The following KLHL8 variants were observed in gnomAD, a reference collection of about 807,000 sequenced individuals.
The protein encoded by KLHL8 is kelch like family member 8.
A neutral mutation model predicts 63.5 loss-of-function variants in KLHL8; 38 were observed. That is an observed-to-expected ratio of 0.60 (90% CI 0.46 to 0.78). KLHL8 has a LOEUF of 0.78. Ranked by LOEUF, KLHL8 falls within the 30% of genes least tolerant of loss-of-function variation. The probability of loss-of-function intolerance (pLI) is 0.00; values close to 1 mark genes in which losing one functional copy is unlikely to be tolerated. For synonymous variants in KLHL8, 224 were observed against 254.3 expected, an observed-to-expected ratio of 0.88 and a Z score of 1.13; for missense variants, 566 against 752.4, an observed-to-expected ratio of 0.75 and a Z score of 2.90.
At chr4:87,224,378 C>G (rs1443336193), upstream of KLHL8, among the ~76,000 whole-genome samples, 2 of 152,140 alleles carry the variant, frequency 1.3e-5, no homozygotes, top group Non-Finnish European at 2.9e-5. Flanking sequence ...ATTTTTCTTT[C>G]TCTTAAAGGA....
intron 6 of KLHL8, among the ~76,000 whole-genome samples, chr4:87,174,283 GTTTTT>G (rs1183938505): frequency 6.8e-6 from 1 of 146,376 alleles, no homozygotes; most frequent in Admixed American, 6.8e-5. Flanking sequence ...TCACCTGCAA[GTTTTT>G]TTTTTTTGAG....
chr4:87,189,745 G>A (rs1220932287), intron 2 of KLHL8, among the ~76,000 whole-genome samples: 1 of 151,934 alleles, frequency 6.6e-6, no homozygotes, highest in Non-Finnish European at 1.5e-5. Flanking sequence ...GTTTAGTAAA[G>A]GCCGGGCGCA....
At chr4:87,207,667 CTG>C (rs1285408334) in intron 1 of KLHL8, 72 of 1,152,988 alleles carry the variant, frequency 6.2e-5, no homozygotes, top group Non-Finnish European at 8.0e-5. Context: ...CTCTGGGAAA[CTG>C]TGGCGTGACA....
chr4:87,166,303 A>G (rs1730396594), intron 8 of KLHL8, among the ~76,000 whole-genome samples: 1 of 152,266 alleles, frequency 6.6e-6, no homozygotes, highest in African/African-American at 2.4e-5. Context: ...TTATAAGAGA[A>G]TGCTGTATTG....
chr4:87,210,354 G>A (rs915513336), intron 1 of KLHL8, among the ~76,000 whole-genome samples: 4 of 152,108 alleles, frequency 2.6e-5, no homozygotes, highest in African/African-American at 7.2e-5. Flanking sequence ...GGTGGCGGGC[G>A]CCTGTAGTCC....
At chr4:87,216,076 A>C (rs1435398852) in intron 1 of KLHL8, among the ~76,000 whole-genome samples, 3 of 152,354 alleles carry the variant, frequency 2.0e-5, no homozygotes, top group Non-Finnish European at 4.4e-5. Context: ...TTGGCATTTT[A>C]AATAATATTC....
chr4:87,239,833 G>A (rs1733297112), intron 1 of KLHL8, among the ~76,000 whole-genome samples: 1 of 152,148 alleles, frequency 6.6e-6, no homozygotes, highest in African/African-American at 2.4e-5. Flanking sequence ...AAAGTAAAAA[G>A]AGAAAACCCC....
intron 8 of KLHL8, among the ~76,000 whole-genome samples, chr4:87,167,897 G>A (rs1730463720): frequency 6.6e-6 from 1 of 152,198 alleles, no homozygotes; most frequent in African/African-American, 2.4e-5. Context: ...AGGTTGCCCA[G>A]AAATGGCAGC....
intron 1 of KLHL8, among the ~76,000 whole-genome samples, chr4:87,227,772 G>T (rs1473227369): frequency 6.6e-6 from 1 of 152,142 alleles, no homozygotes; most frequent in Non-Finnish European, 1.5e-5. Flanking sequence ...GCCTCCCTTT[G>T]TGCAATGAAA....
At chr4:87,175,506 AACCTATAACT>A (rs752630254) in intron 6 of KLHL8, among the ~76,000 whole-genome samples, 4 of 152,188 alleles carry the variant, frequency 2.6e-5, no homozygotes, top group Non-Finnish European at 5.9e-5. Flanking sequence ...GGCAGGTTTT[AACCTATAACT>A]CTAATTTTAA....
Position 87,195,614 on chromosome 4 carries a change from G to T in KLHL8, c.-75C>A. On this transcript the variant is annotated 5_prime_UTR_variant, in exon 2 of 10. Coordinates refer to ENST00000273963, the MANE Select transcript of KLHL8 (RefSeq NM_020803.5). ...TTTTTTTTCAAAGGGTAGAGAGAAG[G>T]CAGAAGGTAGATGTAGACACTACAA... 1 of 1,235,572 alleles carries T rather than the reference G, an allele frequency of 8.1e-7. No individual in the cohort carries two copies. 76.5% of individuals were successfully genotyped at this position (1,235,572 alleles called of 1,614,324 possible). A position where few individuals can be genotyped will look rare whatever the true frequency, so the allele number is the denominator to read the frequency against.
intron 1 of KLHL8, among the ~76,000 whole-genome samples, chr4:87,198,000 A>G (rs1199930812): frequency 1.4e-5 from 2 of 147,774 alleles, no homozygotes; most frequent in African/African-American, 4.9e-5. Context: ...GTTCCAATAC[A>G]ACTTTAATTA....
chr4:87,185,194 T>C (rs1016576736), intron 3 of KLHL8, 57 bp downstream of exon 3: 23 of 1,391,784 alleles, frequency 1.7e-5, no homozygotes, highest in Non-Finnish European at 2.2e-5. Flanking sequence ...AAATGAAGCA[T>C]GTTGATTTGC....
chr4:87,164,454 GTAT>G (rs1730299132), intron 8 of KLHL8, among the ~76,000 whole-genome samples: 1 of 152,102 alleles, frequency 6.6e-6, no homozygotes, highest in Admixed American at 6.5e-5. Context: ...CCTTCTCTGT[GTAT>G]TATATCTTAA....
rs769265677 is a variant in KLHL8, at chr4:87,171,451, T to C, written c.1209-836A>G. Among the ~76,000 whole-genome samples, 12 of 152,280 alleles carry C rather than the reference T, an allele frequency of 7.9e-5. No homozygotes were observed. In the East Asian group the frequency reaches 2.3e-3, roughly 29 times the overall value. ...CTAACTCTAAATTTACCAGAGAGTATCCAACAAAAGAATTCTTAAGGATAA... is the reference window on the plus strand; with the variant it reads ...CTAACTCTAAATTTACCAGAGAGTACCCAACAAAAGAATTCTTAAGGATAA... On this transcript the variant is annotated intron_variant, in intron 6 of 9. Transcript: ENST00000273963.
At chr4:87,231,602 C>CT (rs577990449) in intron 1 of KLHL8, among the ~76,000 whole-genome samples, 194 of 146,758 alleles carry the variant, frequency 1.3e-3, no homozygotes, top group East Asian at 2.0e-3. Context: ...ACAAATACTT[C>CT]TTTTTTTTTT....
intron 1 of KLHL8, among the ~76,000 whole-genome samples, chr4:87,198,985 T>C (rs1472961348): frequency 1.3e-5 from 2 of 152,198 alleles, no homozygotes; most frequent in Non-Finnish European, 2.9e-5. Context: ...CTATTACTTC[T>C]TACCACTGCA....
intron 6 of KLHL8, among the ~76,000 whole-genome samples, chr4:87,170,865 AAAC>A (rs1296345768): frequency 7.2e-5 from 11 of 152,182 alleles, no homozygotes; most frequent in African/African-American, 2.7e-4. Flanking sequence ...TTTAAACTCA[AAAC>A]AATAAAATAT....
upstream of KLHL8, among the ~76,000 whole-genome samples, chr4:87,225,081 A>G (rs992016274): frequency 4.6e-5 from 7 of 152,116 alleles, no homozygotes; most frequent in Non-Finnish European, 7.4e-5. Context: ...CTCAAGTCAC[A>G]GCACCCAGCA....
Sources: gnomAD v4.1 joint callset for allele counts (sites outside exome capture counted in the v4.1 genomes callset) on GRCh38, gnomAD v4.1.1 for gene constraint, MANE v1.5 for transcripts, NCBI Gene and HGNC (gene_info 2026-07-23, HGNC 2026-07-21) for gene names.